DIAPH2: variants seen among roughly 807,000 people sequenced by gnomAD.
The protein encoded by DIAPH2 is diaphanous related formin 2, also known as protein diaphanous homolog 2.
In DIAPH2, 35 loss-of-function variants were observed where a neutral mutation model predicts 92.7. The ratio of observed to expected loss-of-function variants is 0.38; its 90% CI spans 0.29 to 0.50. The LOEUF is 0.50. Ranked by LOEUF, DIAPH2 falls within the 20% of genes least tolerant of loss-of-function variation. The pLI is 0.94. For missense variants in DIAPH2, 701 were observed against 819.5 expected (o/e 0.86, Z 1.77); for synonymous variants, 301 against 280.4 (o/e 1.07, Z -0.73).
intron 5 of DIAPH2, chrX:96,884,326 T>C: frequency 1.7e-6 from 2 of 1,208,637 alleles, no homozygotes; most frequent in Non-Finnish European, 2.2e-6. Flanking sequence ...TAAGAGTGGG[T>C]TTGGGAGCTA....
chrX:96,952,973 G>A (rs906868552), intron 15 of DIAPH2, among the ~76,000 whole-genome samples: 3 of 107,628 alleles, frequency 2.8e-5, no homozygotes, highest in Non-Finnish European at 5.7e-5. Flanking sequence ...AAAAAAATTA[G>A]CCTGGGGTAG....
At chrX:96,713,359 T>A (rs757234250) in intron 1 of DIAPH2, among the ~76,000 whole-genome samples, 7 of 110,605 alleles carry the variant, frequency 6.3e-5, no homozygotes, top group African/African-American at 2.3e-4. Flanking sequence ...TACAGCAGTT[T>A]TAGGTGCACA....
At chrX:96,740,729 C>T (rs2064114043) in intron 3 of DIAPH2, among the ~76,000 whole-genome samples, 1 of 111,707 alleles carries the variant, frequency 9.0e-6, no homozygotes, top group African/African-American at 3.3e-5. Flanking sequence ...TTAAAATAGC[C>T]TCCCAACTGG....
At chrX:96,871,191 G>A (rs768791045) in intron 4 of DIAPH2, among the ~76,000 whole-genome samples, 105 of 111,199 alleles carry the variant, frequency 9.4e-4, no homozygotes, top group African/African-American at 3.2e-3. Flanking sequence ...GTAGTGGGCC[G>A]GGCGCAGTGG....
chrX:97,192,024 G>C (rs1298499112), intron 22 of DIAPH2, among the ~76,000 whole-genome samples: 1 of 111,544 alleles, frequency 9.0e-6, no homozygotes, highest in African/African-American at 3.3e-5. Context: ...GAGTGCAGTG[G>C]CTCACACCTG....
intron 23 of DIAPH2, among the ~76,000 whole-genome samples, chrX:97,296,422 A>G (rs1209488365): frequency 8.9e-6 from 1 of 111,916 alleles, no homozygotes; most frequent in African/African-American, 3.2e-5. Flanking sequence ...TATGTATATT[A>G]TTTTATAATT....
At position 96,884,959 on chromosome X, in the gene DIAPH2, G is replaced by A. The variant is rs144363735; in HGVS notation, c.587+3241G>A. Reference sequence around the variant, plus strand: ...GATTCATGAGTGTCCTCATCAGGAAGGGAAGAGCATCCATGAGCTCCGGGC... The same window carrying A: ...GATTCATGAGTGTCCTCATCAGGAAAGGAAGAGCATCCATGAGCTCCGGGC... On this transcript the variant is annotated intron_variant, in intron 5 of 26. Transcript: ENST00000324765. 87 of 1,209,195 alleles carry A rather than the reference G, an allele frequency of 7.2e-5. No individual in the cohort carries two copies. The highest frequency in any genetic ancestry group is 9.5e-5 in the Non-Finnish European group (85 of 895,114).
chrX:97,307,730 G>GA (rs1427777200), intron 23 of DIAPH2, among the ~76,000 whole-genome samples: 1 of 108,651 alleles, frequency 9.2e-6, no homozygotes, highest in Non-Finnish European at 1.9e-5. Flanking sequence ...CCAACATGGA[G>GA]AAACCCCATC....
At chrX:97,270,190 A>C (rs967722900) in intron 23 of DIAPH2, among the ~76,000 whole-genome samples, 11 of 109,933 alleles carry the variant, frequency 1.0e-4, no homozygotes, top group Non-Finnish European at 2.1e-4. Flanking sequence ...CGGCCTCCCA[A>C]AGTGCTGAGA....
intron 17 of DIAPH2, among the ~76,000 whole-genome samples, chrX:97,029,054 A>G (rs2066354322): frequency 8.9e-6 from 1 of 111,794 alleles, no homozygotes; most frequent in Non-Finnish European, 1.9e-5. Flanking sequence ...CCCAGTGGCT[A>G]ATGATTTCGA....
chrX:97,232,526 C>G (rs1293281137), intron 22 of DIAPH2, among the ~76,000 whole-genome samples: 1 of 111,342 alleles, frequency 9.0e-6, no homozygotes, highest in Non-Finnish European at 1.9e-5. Context: ...CGCACCCGGC[C>G]CCTCTTTCTT....
chrX:96,901,407 A>G (rs1427135011), intron 5 of DIAPH2, among the ~76,000 whole-genome samples: 9 of 98,414 alleles, frequency 9.1e-5, no homozygotes, highest in African/African-American at 3.4e-4. Flanking sequence ...TCAAAGAACC[A>G]GCTTTTTGTT....
chrX:96,793,230 G>A (rs1003043202), intron 4 of DIAPH2, among the ~76,000 whole-genome samples: 3 of 112,148 alleles, frequency 2.7e-5, no homozygotes, highest in South Asian at 7.4e-4. Flanking sequence ...GCGTGACCTC[G>A]GCTCACTGTA....
chrX:96,830,284 T>C (rs1424071537), intron 4 of DIAPH2, among the ~76,000 whole-genome samples: 2 of 111,139 alleles, frequency 1.8e-5, no homozygotes, highest in African/African-American at 6.5e-5. Context: ...AAAATAAATA[T>C]GAGTGGGCCA....
intron 22 of DIAPH2, among the ~76,000 whole-genome samples, chrX:97,209,415 A>G (rs959504156): frequency 1.8e-5 from 2 of 111,680 alleles, no homozygotes; most frequent in Admixed American, 1.9e-4. Flanking sequence ...TAAAAATGAG[A>G]CATTTTAAAA....
chrX:97,330,860 A>G lies in DIAPH2; in HGVS notation c.2845-17256A>G, dbSNP rs192345879. Reference sequence around the variant, plus strand: ...GACTGAATAATATTCCATTATATGTATAAACCACATTTTCTTTATTCCTTG... The same window carrying G: ...GACTGAATAATATTCCATTATATGTGTAAACCACATTTTCTTTATTCCTTG... On this transcript the variant is annotated intron_variant, in intron 23 of 26. Transcript: ENST00000324765. Among the ~76,000 whole-genome samples, 65 of 111,874 alleles carry G rather than the reference A, an allele frequency of 5.8e-4. 1 individual carries two copies. The East Asian group carries it at 0.018, about 31-fold the overall frequency.
intron 19 of DIAPH2, among the ~76,000 whole-genome samples, chrX:97,082,432 C>T (rs1172448903): frequency 1.4e-4 from 14 of 102,831 alleles, no homozygotes; most frequent in Admixed American, 7.4e-4. Flanking sequence ...CCAGCCTGAC[C>T]AACGTAATGA....
intron 23 of DIAPH2, among the ~76,000 whole-genome samples, chrX:97,278,682 G>A (rs1373839241): frequency 4.5e-5 from 5 of 112,185 alleles, no homozygotes; most frequent in Admixed American, 9.5e-5. Context: ...ATAATATTCC[G>A]TTATCTGGAT....
At chrX:97,299,174 G>A (rs1346760339) in intron 23 of DIAPH2, among the ~76,000 whole-genome samples, 2 of 112,045 alleles carry the variant, frequency 1.8e-5, no homozygotes, top group Non-Finnish European at 3.8e-5. Flanking sequence ...AGGACTAAAT[G>A]AAACAAAGAC....
Sources: allele counts gnomAD v4.1 joint callset (sites outside exome capture counted in the v4.1 genomes callset), GRCh38; gene constraint gnomAD v4.1.1; transcripts MANE v1.5; gene names NCBI Gene and HGNC (gene_info 2026-07-23, HGNC 2026-07-21).